Variants in TJP2 observed in about 807,000 individuals in gnomAD.
TJP2 encodes the protein Friedreich ataxia region gene X104 (tight junction protein ZO-2).
A neutral mutation model predicts 133.1 loss-of-function variants in TJP2; 91 were observed. The ratio of observed to expected loss-of-function variants is 0.68; its 90% CI spans 0.58 to 0.81. The LOEUF (loss-of-function observed/expected upper bound fraction) is 0.81. Among genes scored for constraint, TJP2 ranks in the 40% least tolerant of loss-of-function variants. The probability of loss-of-function intolerance (pLI) is 0.00; values close to 1 mark genes in which losing one functional copy is unlikely to be tolerated. For synonymous variants in TJP2, 592 were observed against 583.4 expected, an observed-to-expected ratio of 1.01 and a Z score of -0.21; for missense variants, 1,541 against 1,565.6, an observed-to-expected ratio of 0.98 and a Z score of 0.26.
rs754221310 is a variant in TJP2, at chr9:69,203,607, A to ATTTTTTTTTTTTT, written c.61-8929_61-8917dup. On this transcript the variant is annotated intron_variant, in intron 1 of 22. Transcript: ENST00000377245. The stretch of plus-strand genomic sequence containing the variant: ...GCATGAGCCACGGTGCCCAGCCTGG[A>ATTTTTTTTTTTTT]TTTTTTTTTTTTTTTTTTTTTTTTG... Among the ~76,000 whole-genome samples, 40 of 67,838 alleles carry ATTTTTTTTTTTTT rather than the reference A, an allele frequency of 5.9e-4. 4 individuals are homozygous for ATTTTTTTTTTTTT. Among genetic ancestry groups the ATTTTTTTTTTTTT allele is most frequent in the Middle Eastern group, 0.014 (1 of 74 alleles). The allele number at this position is 67,838 out of a possible 152,430, so 44.5% of individuals were successfully genotyped here.
At chr9:69,226,786 C>T (rs1829385519) in intron 7 of TJP2, among the ~76,000 whole-genome samples, 1 of 152,200 alleles carries the variant, frequency 6.6e-6, no homozygotes, top group Non-Finnish European at 1.5e-5. Context: ...CGTGAGCCAC[C>T]AGGCCCAGCC....
chr9:69,205,377 T>C lies in TJP2; in HGVS notation c.61-7171T>C. ...CATCTTTCAGCAACAAATTGTGAGA[T>C]TGTAGGTTGTAGTCACTGGTGGGTT... On this transcript the variant is annotated intron_variant, in intron 1 of 22. Coordinates refer to ENST00000377245, the MANE Select transcript of TJP2 (RefSeq NM_004817.4). 9 of 1,462,152 alleles carry C rather than the reference T, an allele frequency of 6.2e-6. No homozygotes were observed. In the South Asian group the frequency reaches 9.9e-5, roughly 16 times the overall value. 90.6% of individuals were successfully genotyped at this position (1,462,152 alleles called of 1,614,324 possible).
chr9:69,236,253 A>G lies in TJP2; in HGVS notation c.1991+15A>G, dbSNP rs1187293265. The stretch of plus-strand genomic sequence containing the variant: ...AACAAGAGCAGGTAACAGAGATCGC[A>G]TTCTCACATACCCCTTTTAATCCTT... On this transcript the variant is annotated intron_variant, in intron 13 of 22. Coordinates refer to ENST00000377245, the MANE Select transcript of TJP2 (RefSeq NM_004817.4). The G allele has an allele frequency of 6.2e-7, 1 of 1,612,838 alleles. No individual in the cohort carries two copies. Among genetic ancestry groups the G allele is most frequent in the Admixed American group, 1.7e-5 (1 of 60,010 alleles).
intron 1 of TJP2, among the ~76,000 whole-genome samples, chr9:69,175,517 G>A (rs148827823): frequency 1.3e-5 from 2 of 152,206 alleles, no homozygotes; most frequent in Non-Finnish European, 2.9e-5. Context: ...ATTCGTAGTG[G>A]TAAATGTATT....
At chr9:69,130,967 A>G (rs1446666980) in intron 1 of TJP2, among the ~76,000 whole-genome samples, 1 of 146,308 alleles carries the variant, frequency 6.8e-6, no homozygotes, top group Admixed American at 6.6e-5. Flanking sequence ...CCTTTCCACC[A>G]TTCTTTCAGG....
chr9:69,158,834 G>T (rs1181233487), intron 2 of TJP2, among the ~76,000 whole-genome samples: 1 of 152,086 alleles, frequency 6.6e-6, no homozygotes, highest in South Asian at 2.1e-4. Context: ...GAATGGGGGG[G>T]TTCTTCACTC....
chr9:69,181,322 C>T (rs887888454), intron 1 of TJP2, among the ~76,000 whole-genome samples: 3 of 143,986 alleles, frequency 2.1e-5, no homozygotes, highest in Admixed American at 7.4e-5. Context: ...GATCTCAGCT[C>T]ACTGCAACGT....
At position 69,174,406 on chromosome 9, in the gene TJP2, C is replaced by G; in HGVS notation, c.34C>G (p.Arg12Gly). The G allele has an allele frequency of 1.9e-6, 3 of 1,551,876 alleles. No homozygotes were observed. The highest frequency in any genetic ancestry group is 1.2e-5 in the South Asian group (1 of 84,110). ...PVRGDRGFPP[R>G]RELSGWLRAP... ...GCGAGGAGACCGCGGGTTTCCACCC[C>G]GGCGGGAGCTGTCAGGTTGGCTCCG... is the stretch of plus-strand genomic sequence containing the variant. The change falls in exon 1 of 23, where the codon CGG (arginine) becomes GGG (glycine). Residue 12 changes from arginine to glycine, a missense_variant. Coordinates refer to ENST00000377245, the MANE Select transcript of TJP2 (RefSeq NM_004817.4).
chr9:69,166,294 G>A (rs181792813), intron 2 of TJP2, among the ~76,000 whole-genome samples: 1 of 152,144 alleles, frequency 6.6e-6, no homozygotes, highest in Admixed American at 6.5e-5. Flanking sequence ...TAGAGATCAG[G>A]TCTTGCTATG....
upstream of TJP2, among the ~76,000 whole-genome samples, chr9:69,171,726 G>A: frequency 6.6e-6 from 1 of 151,136 alleles, no homozygotes. Context: ...CCTAAGGCAG[G>A]ATCCTGAGTA....
intron 7 of TJP2, among the ~76,000 whole-genome samples, chr9:69,227,426 A>C (rs1328211158): frequency 1.3e-5 from 2 of 152,174 alleles, no homozygotes; most frequent in Admixed American, 6.5e-5. Context: ...ATTTGTATGC[A>C]CCTTAAAGTT....
chr9:69,203,607 A>ATTTTTTTT (rs754221310), intron 1 of TJP2, among the ~76,000 whole-genome samples: 4,571 of 67,680 alleles, frequency 0.068, 768 homozygotes, highest in Middle Eastern at 0.095. Context: ...CCCAGCCTGG[A>ATTTTTTTT]TTTTTTTTTT....
At chr9:69,234,399 T>TTTTC in intron 11 of TJP2, 40 bp from the exon 12 acceptor site, 1 of 254,822 alleles carries the variant, frequency 3.9e-6, no homozygotes, top group Admixed American at 7.1e-5. Flanking sequence ...TCTTTCTTTC[T>TTTTC]TTTTTTTTTT....
intron 1 of TJP2, among the ~76,000 whole-genome samples, chr9:69,137,196 C>T (rs1289193474): frequency 1.7e-5 from 2 of 118,248 alleles, no homozygotes; most frequent in Non-Finnish European, 3.6e-5. Flanking sequence ...ACTCTTCAAC[C>T]AATGATCATG....
In TJP2 at chr9:69,248,001, A is replaced by G. The variant is rs933238834; in HGVS notation, c.2668-11A>G. ...CAGACCCCACTGACCGTCCAACACA[A>G]ATTCCTCTAGATGGAAGGGATGGAT... On this transcript the variant is annotated splice_polypyrimidine_tract_variant and intron_variant, in intron 18 of 22. Coordinates refer to ENST00000377245, the MANE Select transcript of TJP2 (RefSeq NM_004817.4). The G allele has an allele frequency of 2.5e-6, 4 of 1,584,752 alleles. No individual in the cohort carries two copies. The Admixed American group carries it at 5.2e-5, about 20-fold the overall frequency.
chr9:69,135,460 A>G (rs1822688960), intron 1 of TJP2, among the ~76,000 whole-genome samples: 1 of 151,732 alleles, frequency 6.6e-6, no homozygotes, highest in Non-Finnish European at 1.5e-5. Flanking sequence ...TTGTTTTTTG[A>G]GGCAGAGTCT....
chr9:69,225,097 T>G (rs1192677210), intron 5 of TJP2, among the ~76,000 whole-genome samples: 10 of 152,232 alleles, frequency 6.6e-5, no homozygotes. Context: ...TTGGTTTTTA[T>G]GTAACTTTTA....
intron 1 of TJP2, among the ~76,000 whole-genome samples, chr9:69,143,189 A>ATTTCACTTTG (rs1490141586): frequency 6.6e-6 from 1 of 152,252 alleles, no homozygotes; most frequent in Non-Finnish European, 1.5e-5. Context: ...ATCATCATAG[A>ATTTCACTTTG]TAAGAATCAC....
At chr9:69,239,134 A>G (rs1441407205) in intron 16 of TJP2, among the ~76,000 whole-genome samples, 1 of 152,178 alleles carries the variant, frequency 6.6e-6, no homozygotes, top group East Asian at 1.9e-4. Context: ...GTTTGCAGTG[A>G]GCGGAGATTG....
Sources: allele counts gnomAD v4.1 joint callset (sites outside exome capture counted in the v4.1 genomes callset), GRCh38; gene constraint gnomAD v4.1.1; transcripts MANE v1.5; gene names NCBI Gene and HGNC (gene_info 2026-07-23, HGNC 2026-07-21).